KCTD16: variants seen among roughly 807,000 people sequenced by gnomAD.
KCTD16 encodes potassium channel tetramerization domain containing 16.
Under a neutral mutation model 33.2 loss-of-function variants are expected in KCTD16, and 13 were observed. The observed-to-expected ratio is 0.39, with a 90% confidence interval of 0.25 to 0.62. The LOEUF (loss-of-function observed/expected upper bound fraction) is 0.62. Ranked by LOEUF, KCTD16 falls within the 20% of genes least tolerant of loss-of-function variation. The pLI, the probability that KCTD16 is intolerant of heterozygous loss-of-function variation, is 0.50. For synonymous variants in KCTD16, 197 were observed against 195.3 expected (o/e 1.01, Z -0.07); for missense variants, 441 against 525.1 (o/e 0.84, Z 1.57).
chr5:144,335,503 G>T (rs1288698372), intron 3 of KCTD16, among the ~76,000 whole-genome samples: 1 of 152,036 alleles, frequency 6.6e-6, no homozygotes, highest in Non-Finnish European at 1.5e-5. Flanking sequence ...AATGAGTAAA[G>T]CTGTCCTTTT....
chr5:144,277,233 G>A (rs1040051311), intron 3 of KCTD16, among the ~76,000 whole-genome samples: 1 of 152,150 alleles, frequency 6.6e-6, no homozygotes, highest in African/African-American at 2.4e-5. Context: ...TCCTAGTCTG[G>A]AAGTGTTGAA....
chr5:144,357,791 A>G (rs1439840900), intron 3 of KCTD16, among the ~76,000 whole-genome samples: 1 of 152,112 alleles, frequency 6.6e-6, no homozygotes, highest in Non-Finnish European at 1.5e-5. Flanking sequence ...CCCTTTGTCT[A>G]ACTTCCTAGG....
intron 3 of KCTD16, among the ~76,000 whole-genome samples, chr5:144,465,064 T>C (rs1754290612): frequency 6.7e-6 from 1 of 149,690 alleles, no homozygotes; most frequent in Non-Finnish European, 1.5e-5. Flanking sequence ...AGCATTGTAA[T>C]TTTTACCTCC....
chr5:144,399,890 G>C (rs1203336845), intron 3 of KCTD16, among the ~76,000 whole-genome samples: 6 of 152,084 alleles, frequency 3.9e-5, no homozygotes, highest in African/African-American at 1.4e-4. Flanking sequence ...TCCGGTGCTA[G>C]AACTTCTTTT....
chr5:144,463,248 G>C (rs565079138), intron 3 of KCTD16, among the ~76,000 whole-genome samples: 1 of 152,158 alleles, frequency 6.6e-6, no homozygotes, highest in Non-Finnish European at 1.5e-5. Context: ...TGATATGAAG[G>C]TGGGTTCTGA....
At chr5:144,225,012 A>G (rs1753886970) in intron 3 of KCTD16, among the ~76,000 whole-genome samples, 1 of 152,180 alleles carries the variant, frequency 6.6e-6, no homozygotes, top group Non-Finnish European at 1.5e-5. Flanking sequence ...GTAAGGATAG[A>G]CCAATGAAGC....
chr5:144,406,866 T>C (rs1215039489), intron 3 of KCTD16, among the ~76,000 whole-genome samples: 1 of 152,184 alleles, frequency 6.6e-6, no homozygotes, highest in Admixed American at 6.5e-5. Flanking sequence ...TGTATGAAAC[T>C]GTAAGGCAGA....
In KCTD16 at chr5:144,482,987, G is replaced by A. The variant is rs1032977404; in HGVS notation, c.*8873G>A. On this transcript the variant is annotated 3_prime_UTR_variant, in exon 4 of 4. Coordinates refer to ENST00000512467, the MANE Select transcript of KCTD16 (RefSeq NM_020768.4). ...AGTGGATATATTTATTTATGGTGCC[G>A]AGAACATTAACAAAATATTTAGATT... 6.6e-6 allele frequency: 1 copy of A among 151,088 alleles called. No homozygotes were observed. The highest frequency in any genetic ancestry group is 6.6e-5 in the Admixed American group (1 of 15,142). The allele number at this position is 151,088 out of a possible 1,614,324, so 9.4% of individuals were successfully genotyped here.
chr5:144,416,440 G>A (rs1753056131), intron 3 of KCTD16, among the ~76,000 whole-genome samples: 1 of 152,138 alleles, frequency 6.6e-6, no homozygotes, highest in South Asian at 2.1e-4. Context: ...GAAGGGGAAT[G>A]TTATGAAGAT....
chr5:144,361,051 C>G (rs1480033132), intron 3 of KCTD16, among the ~76,000 whole-genome samples: 1 of 127,380 alleles, frequency 7.9e-6, no homozygotes, highest in African/African-American at 2.9e-5. Context: ...CTATCCCTCC[C>G]CCCTCCCCCG....
At chr5:144,417,133 G>A (rs1394194955) in intron 3 of KCTD16, among the ~76,000 whole-genome samples, 3 of 152,260 alleles carry the variant, frequency 2.0e-5, no homozygotes, top group Admixed American at 2.0e-4. Flanking sequence ...AAATTGTAGT[G>A]TCACATGGTA....
At chr5:144,250,616 A>T (rs1353317920) in intron 3 of KCTD16, among the ~76,000 whole-genome samples, 1 of 152,152 alleles carries the variant, frequency 6.6e-6, no homozygotes, top group Non-Finnish European at 1.5e-5. Context: ...GCAAATTAGG[A>T]TTTAGAATAG....
chr5:144,463,410 A>G (rs535813299), intron 3 of KCTD16, among the ~76,000 whole-genome samples: 21 of 152,344 alleles, frequency 1.4e-4, no homozygotes, highest in African/African-American at 4.3e-4. Context: ...TTGTCTTCTA[A>G]AAACTTATTA....
intron 2 of KCTD16, among the ~76,000 whole-genome samples, chr5:144,182,762 A>AG (rs1554079221): frequency 1.4e-4 from 21 of 149,430 alleles, no homozygotes; most frequent in African/African-American, 4.7e-4. Context: ...GAGAGAGAGA[A>AG]AGAGAGAGAG....
At chr5:144,362,780 C>A (rs977287636) in intron 3 of KCTD16, among the ~76,000 whole-genome samples, 1 of 152,088 alleles carries the variant, frequency 6.6e-6, no homozygotes, top group African/African-American at 2.4e-5. Context: ...AGCTGAAACC[C>A]AAGCCCTGCC....
intron 3 of KCTD16, among the ~76,000 whole-genome samples, chr5:144,403,849 C>A (rs1752756810): frequency 6.6e-6 from 1 of 152,140 alleles, no homozygotes; most frequent in African/African-American, 2.4e-5. Context: ...CATAAGCTAT[C>A]ATTCTGGAAG....
intron 3 of KCTD16, among the ~76,000 whole-genome samples, chr5:144,366,831 C>G (rs1751847636): frequency 6.6e-6 from 1 of 152,182 alleles, no homozygotes; most frequent in Non-Finnish European, 1.5e-5. Flanking sequence ...ATGGATGATG[C>G]CGATCAGATC....
At chr5:144,263,979 C>A (rs1755076492) in intron 3 of KCTD16, among the ~76,000 whole-genome samples, 1 of 152,074 alleles carries the variant, frequency 6.6e-6, no homozygotes, top group Non-Finnish European at 1.5e-5. Flanking sequence ...GGGGTTCCAC[C>A]CTCATAAACC....
rs1160904292 is a variant in KCTD16 at position 144,299,059 on chromosome 5, TATATATATATATA to T, written c.832+91514_832+91526del. On this transcript the variant is annotated intron_variant, in intron 3 of 3. Transcript: ENST00000512467. ...AAACAGATCACTATATATATATATA[TATATATATATATA>T]TTTTTGTATATATATATCACTATGT... 8.3e-3 allele frequency among the ~76,000 whole-genome samples: 773 copies of T among 93,392 alleles called. 72 individuals carry two copies. The highest frequency in any genetic ancestry group is 0.03 in the African/African-American group (746 of 24,816). The allele number at this position is 93,392 out of a possible 152,430, so 61.3% of individuals were successfully genotyped here.
Sources: allele counts gnomAD v4.1 joint callset (sites outside exome capture counted in the v4.1 genomes callset), GRCh38; gene constraint gnomAD v4.1.1; transcripts MANE v1.5; gene names NCBI Gene and HGNC (gene_info 2026-07-23, HGNC 2026-07-21).